USP6NL: variants seen among roughly 807,000 people sequenced by gnomAD.
USP6NL encodes USP6 N-terminal-like protein.
USP6NL carries 26 observed loss-of-function variants against 61.9 expected under a neutral mutation model. The ratio of observed to expected loss-of-function variants is 0.42; its 90% CI spans 0.31 to 0.58. The LOEUF is 0.58. Ranked by LOEUF, USP6NL falls within the 20% of genes least tolerant of loss-of-function variation. USP6NL has a pLI of 0.16. For missense variants in USP6NL, 1,114 were observed against 1,034.3 expected (o/e 1.08, Z -1.06); for synonymous variants, 432 against 390.1 (o/e 1.11, Z -1.27).
chr10:11,572,086 A>G (rs1268252040), intron 2 of USP6NL, among the ~76,000 whole-genome samples: 1 of 151,914 alleles, frequency 6.6e-6, no homozygotes, highest in Non-Finnish European at 1.5e-5. Context: ...AGGCACAAAA[A>G]TTATTATTCT....
At position 11,462,933 on chromosome 10, in the gene USP6NL, A is replaced by G; in HGVS notation, c.1995T>C (p.Asn665=). The change falls in exon 15 of 15, where the codon AAT becomes AAC. Residue 665 remains asparagine, a synonymous_variant. Transcript: ENST00000609104. ...SPQFSPGTQL[N]PSRRPHGSTL... is the part of the protein sequence containing the mutation. ...TAGAACCATGAGGTCTCCTGGAAGG[A>G]TTCAGTTGAGTCCCAGGGCTAAACT... is the stretch of plus-strand genomic sequence containing the variant. 6.2e-7 allele frequency: 1 copy of G among 1,613,610 alleles called. No homozygotes were observed. The highest frequency in any genetic ancestry group is 8.5e-7 in the Non-Finnish European group (1 of 1,179,700).
chr10:11,486,424 A>G (rs1833472409), intron 10 of USP6NL, among the ~76,000 whole-genome samples: 1 of 152,202 alleles, frequency 6.6e-6, no homozygotes, highest in Admixed American at 6.5e-5. Context: ...CTAAAAATAC[A>G]GGCACTAGAT....
intron 2 of USP6NL, among the ~76,000 whole-genome samples, chr10:11,538,047 A>G (rs1020098552): frequency 4.6e-5 from 7 of 152,232 alleles, no homozygotes; most frequent in African/African-American, 1.7e-4. Flanking sequence ...ACCTTGCGTC[A>G]GGTAGATATT....
At chr10:11,509,489 A>C (rs190157477) in intron 6 of USP6NL, 106 bp downstream of exon 6, 1 of 1,145,384 alleles carries the variant, frequency 8.7e-7, no homozygotes, top group Non-Finnish European at 1.2e-6. Context: ...AAAATTTCAA[A>C]ACCAAATATG....
At position 11,489,388 on chromosome 10, in the gene USP6NL, A is replaced by C. The variant is rs1162751548; in HGVS notation, c.544-166T>G. Among the ~76,000 whole-genome samples the C allele has an allele frequency of 6.6e-6, 1 of 152,242 alleles. No individual in the cohort carries two copies. The highest frequency in any genetic ancestry group is 1.5e-5 in the Non-Finnish European group (1 of 68,038). On this transcript the variant is annotated intron_variant, in intron 9 of 14. Transcript: ENST00000609104. This position sits in a 1 kb window ranked among gnomAD's most constrained non-coding sequence, Gnocchi z 5.7. ...TCTTTACAGTATTATGCCACATAAG[A>C]GAATAAAATTGTGCTAAAAAATAAA... is the stretch of plus-strand genomic sequence containing the variant.
rs1306435612 is a variant in USP6NL at position 11,496,358 on chromosome 10, C to T, written c.385-3130G>A. Among the ~76,000 whole-genome samples, 2 of 152,234 alleles carry T rather than the reference C, an allele frequency of 1.3e-5. No individual in the cohort carries two copies. Among genetic ancestry groups the T allele is most frequent in the East Asian group, 3.8e-4 (2 of 5,200 alleles). On this transcript the variant is annotated intron_variant, in intron 7 of 14. Transcript: ENST00000609104. The surrounding 1 kb of genome is among the most constrained non-coding windows in gnomAD (Gnocchi z 5.4). ...AGATTCTGAGCTACTAATCAGGTTG[C>T]TTCTCCAATTCCCACTGCCAGCCTA...
At position 11,465,465 on chromosome 10, in the gene USP6NL, A is replaced by T. The variant is rs1373131021; in HGVS notation, c.1079-1616T>A. Among the ~76,000 whole-genome samples the T allele has an allele frequency of 6.6e-6, 1 of 152,092 alleles. No homozygotes were observed. Among genetic ancestry groups the T allele is most frequent in the African/African-American group, 2.4e-5 (1 of 41,396 alleles). ...CTGGAAGCTGCCTCACTTCTCCACC[A>T]CTCACTGGCCTGCAGAGAGCCACCA... On this transcript the variant is annotated intron_variant, in intron 14 of 14. Transcript: ENST00000609104. This position sits in a 1 kb window ranked among gnomAD's most constrained non-coding sequence, Gnocchi z 4.5.
intron 2 of USP6NL, among the ~76,000 whole-genome samples, chr10:11,529,365 A>G (rs11257155): frequency 0.11 from 17,251 of 152,248 alleles, 1,285 homozygotes; most frequent in East Asian, 0.16. Flanking sequence ...GTAATTTGAT[A>G]ATATGTGTAA....
chr10:11,514,331 G>C (rs1834862369), intron 5 of USP6NL, among the ~76,000 whole-genome samples: 1 of 148,376 alleles, frequency 6.7e-6, no homozygotes, highest in African/African-American at 2.5e-5. Flanking sequence ...CTGTGATGGT[G>C]GTAAAATGGT....
intron 1 of USP6NL, among the ~76,000 whole-genome samples, chr10:11,609,914 C>A (rs1353806566): frequency 1.3e-5 from 2 of 152,216 alleles, no homozygotes; most frequent in Non-Finnish European, 2.9e-5. Context: ...ATTATTAAAA[C>A]TGGTAATGGA....
In USP6NL at chr10:11,489,694, G is replaced by A. The variant is rs1833629426; in HGVS notation, c.544-472C>T. Among the ~76,000 whole-genome samples, 2 of 152,140 alleles carry A rather than the reference G, an allele frequency of 1.3e-5. No homozygotes were observed. The highest frequency in any genetic ancestry group is 4.1e-4 in the South Asian group (2 of 4,828). On this transcript the variant is annotated intron_variant, in intron 9 of 14. Transcript: ENST00000609104. This position sits in a 1 kb window ranked among gnomAD's most constrained non-coding sequence, Gnocchi z 5.7. ...CTAAGAAATACCCACTCTCCCCATA[G>A]TCCCTGCTTATGATGTGGCCTTAAG...
chr10:11,483,359 G>T (rs1288204232), intron 13 of USP6NL, among the ~76,000 whole-genome samples: 1 of 151,012 alleles, frequency 6.6e-6, no homozygotes, highest in Admixed American at 6.6e-5. Context: ...TTAAGAAGCA[G>T]ATGAGAGCTA....
In USP6NL at chr10:11,564,004, T is replaced by C. The variant is rs1462115525; in HGVS notation, c.4+33627A>G. 2.0e-5 allele frequency: 3 copies of C among 152,254 alleles called. No individual in the cohort carries two copies. The East Asian group carries it at 5.8e-4, about 29-fold the overall frequency. 9.4% of individuals were successfully genotyped at this position (152,254 alleles called of 1,614,324 possible). A position where few individuals can be genotyped will look rare whatever the true frequency, so the allele number is the denominator to read the frequency against. On this transcript the variant is annotated intron_variant, in intron 2 of 14. Coordinates refer to ENST00000609104, the MANE Select transcript of USP6NL (RefSeq NM_014688.5). ...ATTCAAATGTTCTTAGGTAGTCATT[T>C]AGATTAGTCCAAGCCAGATTTTCAA...
At chr10:11,483,624 A>AGGGGG (rs1491523625) in intron 13 of USP6NL, among the ~76,000 whole-genome samples, 2 of 2,094 alleles carry the variant, frequency 9.6e-4, no homozygotes, top group Non-Finnish European at 1.7e-3. Context: ...AGGGGGGGAG[A>AGGGGG]AGGGGAGGGA....
chr10:11,503,551 A>C (rs1834307841), intron 6 of USP6NL, among the ~76,000 whole-genome samples: 1 of 152,216 alleles, frequency 6.6e-6, no homozygotes, highest in Non-Finnish European at 1.5e-5. Context: ...GGGAAAGCTT[A>C]AGAAACATTG....
chr10:11,586,981 C>A (rs1215490631), intron 2 of USP6NL, among the ~76,000 whole-genome samples: 1 of 152,148 alleles, frequency 6.6e-6, no homozygotes, highest in African/African-American at 2.4e-5. Context: ...GTCCTCCCAA[C>A]CTCCCTGTGA....
chr10:11,528,150 CA>C lies in USP6NL; in HGVS notation c.5-584del, dbSNP rs1359748171. ...ACAGACACACACACACACACACACACACACACACACCCTTCATCCTTATTAA... is the reference window on the plus strand; with the variant it reads ...ACAGACACACACACACACACACACACCACACACACCCTTCATCCTTATTAA... On this transcript the variant is annotated intron_variant, in intron 2 of 14. Coordinates refer to ENST00000609104, the MANE Select transcript of USP6NL (RefSeq NM_014688.5). This position sits in a 1 kb window ranked among gnomAD's most constrained non-coding sequence, Gnocchi z 4.6. Among the ~76,000 whole-genome samples, 3 of 151,942 alleles carry C rather than the reference CA, an allele frequency of 2.0e-5. No individual in the cohort carries two copies. The highest frequency in any genetic ancestry group is 7.3e-5 in the African/African-American group (3 of 41,354).
chr10:11,493,241 A>C lies in USP6NL; in HGVS notation c.385-13T>G. On this transcript the variant is annotated splice_polypyrimidine_tract_variant and intron_variant, in intron 7 of 14. Coordinates refer to ENST00000609104, the MANE Select transcript of USP6NL (RefSeq NM_014688.5). ...TGTGTTTTAATTTCTGAAGAGAGAA[A>C]GAGAGAACAGAACAGATTTTTATGG... 1 of 1,587,868 alleles carries C rather than the reference A, an allele frequency of 6.3e-7. No individual in the cohort carries two copies. Among genetic ancestry groups the C allele is most frequent in the Non-Finnish European group, 8.6e-7 (1 of 1,163,094 alleles).
rs1487143196 is a variant in USP6NL at position 11,512,960 on chromosome 10, C to T, written c.196-3285G>A. Among the ~76,000 whole-genome samples the T allele has an allele frequency of 3.9e-5, 6 of 152,188 alleles. No homozygotes were observed. In the East Asian group the frequency reaches 9.6e-4, roughly 24 times the overall value. On this transcript the variant is annotated intron_variant, in intron 5 of 14. Coordinates refer to ENST00000609104, the MANE Select transcript of USP6NL (RefSeq NM_014688.5). ...TACCTTAATTGTCTCATCTATAAAA[C>T]GAGAATTATTTTGATCATTGTTACA...
Sources: gnomAD v4.1 joint callset for allele counts (sites outside exome capture counted in the v4.1 genomes callset) on GRCh38, gnomAD v4.1.1 for gene constraint, Gnocchi (gnomAD v3.1) non-coding constraint, MANE v1.5 for transcripts, NCBI Gene and HGNC (gene_info 2026-07-23, HGNC 2026-07-21) for gene names.